The following DMTF1 variants were observed in gnomAD, a reference collection of about 807,000 sequenced individuals.
The protein encoded by DMTF1 is cyclin D binding myb like transcription factor 1.
Under a neutral mutation model 91.1 loss-of-function variants are expected in DMTF1, and 39 were observed. The ratio of observed to expected loss-of-function variants is 0.43; its 90% confidence interval spans 0.33 to 0.56. The LOEUF is 0.56. Ranked by LOEUF, DMTF1 falls within the 20% of genes least tolerant of loss-of-function variation. The probability of loss-of-function intolerance (pLI) is 0.05; values close to 1 mark genes in which losing one functional copy is unlikely to be tolerated. For missense variants in DMTF1, 750 were observed against 914.5 expected, an observed-to-expected ratio of 0.82 and a Z score of 2.32; for synonymous variants, 338 against 309.5, an observed-to-expected ratio of 1.09 and a Z score of -0.97.
At chr7:87,187,855 CTA>C (rs1798808283) in intron 12 of DMTF1, 1 of 519,208 alleles carries the variant, frequency 1.9e-6, no homozygotes, top group Non-Finnish European at 3.4e-6. Flanking sequence ...TTTTTTAACA[CTA>C]TAAATCTTAG....
At chr7:87,161,201 T>A (rs1792282310) in intron 1 of DMTF1, among the ~76,000 whole-genome samples, 1 of 152,000 alleles carries the variant, frequency 6.6e-6, no homozygotes, top group South Asian at 2.1e-4. Context: ...GTCAAGAACA[T>A]ATTTAGGATG....
intron 1 of DMTF1, among the ~76,000 whole-genome samples, chr7:87,160,656 A>G (rs894927733): frequency 2.0e-5 from 3 of 151,950 alleles, no homozygotes; most frequent in Non-Finnish European, 4.4e-5. Context: ...CACCAAAACT[A>G]CTTTTGTTAA....
At chr7:87,159,672 A>C (rs560589851) in intron 1 of DMTF1, among the ~76,000 whole-genome samples, 11 of 152,336 alleles carry the variant, frequency 7.2e-5, no homozygotes, top group African/African-American at 2.6e-4. Flanking sequence ...AACCCATTAC[A>C]AAGAAGGAAA....
chr7:87,182,017 GA>G, intron 9 of DMTF1: 1 of 1,525,526 alleles, frequency 6.6e-7, no homozygotes, highest in Non-Finnish European at 8.8e-7. Context: ...TCTGACCCAG[GA>G]AAAAGGCAAT....
intron 11 of DMTF1, among the ~76,000 whole-genome samples, chr7:87,185,418 C>T (rs1047887136): frequency 1.8e-4 from 28 of 151,548 alleles, no homozygotes; most frequent in African/African-American, 6.6e-4. Flanking sequence ...TTATAAATAG[C>T]TCATTTCTAA....
At position 87,166,676 on chromosome 7, in the gene DMTF1, T is replaced by C. The variant is rs189986510; in HGVS notation, c.232+71T>C. On this transcript the variant is annotated intron_variant, in intron 4 of 17. Coordinates refer to ENST00000331242, the MANE Select transcript of DMTF1 (RefSeq NM_001142327.2). Reference sequence around the variant, plus strand: ...AAAGTTTAGCTTCCAAGGCTTTCAGTTGGCATTTCTAATAGACTTGGACTT... The same window carrying C: ...AAAGTTTAGCTTCCAAGGCTTTCAGCTGGCATTTCTAATAGACTTGGACTT... 5.4e-6 allele frequency: 8 copies of C among 1,479,298 alleles called. No homozygotes were observed. In the East Asian group the frequency reaches 1.4e-4, roughly 25 times the overall value. The allele number at this position is 1,479,298 out of a possible 1,614,324, so 91.6% of individuals were successfully genotyped here. A position where few individuals can be genotyped will look rare whatever the true frequency, so the allele number is the denominator to read the frequency against.
Position 87,194,022 on chromosome 7 carries a change from A to C in DMTF1, c.1948A>C (p.Arg650=). 1 of 1,613,148 alleles carries C rather than the reference A, an allele frequency of 6.2e-7. No homozygotes were observed. Among genetic ancestry groups the C allele is most frequent in the African/African-American group, 1.3e-5 (1 of 74,982 alleles). The part of the protein sequence containing the change: ...STELMNSVMV[R]TEEEISDTDL... Reference sequence around the variant, plus strand: ...AGAACTGATGAATAGTGTTATGGTCAGAACAGAAGAAGAAATCTCTGACAC... The same window carrying C: ...AGAACTGATGAATAGTGTTATGGTCCGAACAGAAGAAGAAATCTCTGACAC... Residue 650 remains arginine (R), a synonymous_variant, in exon 16 of 18, where the codon AGA becomes CGA. Coordinates refer to ENST00000331242, the MANE Select transcript of DMTF1 (RefSeq NM_001142327.2).
At chr7:87,173,755 A>G in intron 6 of DMTF1, 106 bp downstream of exon 6, 1 of 518,402 alleles carries the variant, frequency 1.9e-6, no homozygotes, top group African/African-American at 2.0e-5. Flanking sequence ...GGGATTGAGC[A>G]GTTAGAGTAA....
chr7:87,152,880 G>C (rs965213179), intron 1 of DMTF1: 2 of 154,738 alleles, frequency 1.3e-5, no homozygotes, highest in African/African-American at 4.8e-5. Flanking sequence ...ATGGCGCCGG[G>C]ACCCCTGGGG....
chr7:87,183,140 A>G (rs1329542186), intron 10 of DMTF1, among the ~76,000 whole-genome samples: 2 of 152,182 alleles, frequency 1.3e-5, no homozygotes, highest in Admixed American at 1.3e-4. Context: ...ATACATTTTG[A>G]CCTTAACCCC....
intron 4 of DMTF1, among the ~76,000 whole-genome samples, chr7:87,168,018 T>G (rs1023867930): frequency 6.6e-6 from 1 of 152,238 alleles, no homozygotes; most frequent in Non-Finnish European, 1.5e-5. Context: ...TTCATGGCGC[T>G]GTTCACTTAG....
chr7:87,175,233 C>G (rs779396141), intron 7 of DMTF1, among the ~76,000 whole-genome samples: 2 of 151,930 alleles, frequency 1.3e-5, no homozygotes, highest in Non-Finnish European at 2.9e-5. Flanking sequence ...GTTGGCCAGG[C>G]TGGCCACAAA....
In DMTF1 at chr7:87,174,652, A is replaced by G; in HGVS notation, c.502A>G (p.Ile168Val). Residue 168 changes from isoleucine (I) to valine (V), a missense_variant, in exon 7 of 18, where the codon ATT becomes GTT. By Grantham distance (29) the Ile-to-Val change is conservative. Coordinates refer to ENST00000331242, the MANE Select transcript of DMTF1 (RefSeq NM_001142327.2). The stretch of plus-strand genomic sequence containing the variant: ...AGAAATTGATATTTTGATGAACAAT[A>G]TTGAACGCTATCTTAAGGTATCTTA... ...KEEIDILMNN[I>V]ERYLKARGIK... The G allele has an allele frequency of 6.2e-7, 1 of 1,608,918 alleles. No individual in the cohort carries two copies. Among genetic ancestry groups the G allele is most frequent in the Non-Finnish European group, 8.5e-7 (1 of 1,176,672 alleles).
intron 10 of DMTF1, among the ~76,000 whole-genome samples, chr7:87,183,930 G>A (rs1321488043): frequency 6.6e-6 from 1 of 152,178 alleles, no homozygotes; most frequent in Non-Finnish European, 1.5e-5. Context: ...AATAGGTTGA[G>A]CCCATTGGTG....
At chr7:87,191,052 G>T (rs1391041228) in intron 14 of DMTF1, 25 bp downstream of exon 14, 4 of 1,466,652 alleles carry the variant, frequency 2.7e-6, no homozygotes, top group Non-Finnish European at 2.8e-6. Flanking sequence ...ATATATATTG[G>T]CCATTTTTAT....
intron 12 of DMTF1, 151 bp downstream of exon 12, chr7:87,186,131 C>A: frequency 2.5e-6 from 2 of 793,912 alleles, no homozygotes; most frequent in Non-Finnish European, 4.0e-6. Flanking sequence ...TAATTGTTTC[C>A]TTCCCCAGAG....
rs188989295 is a variant in DMTF1, at chr7:87,154,887, C to T, written c.-132+2332C>T. On this transcript the variant is annotated intron_variant, in intron 1 of 17. Coordinates refer to ENST00000331242, the MANE Select transcript of DMTF1 (RefSeq NM_001142327.2). ...TCACTGGTTAGTATTTAAATAACAACAAAAAACTTGCCTTTACCTCCTCCG... is the reference window on the plus strand; with the variant it reads ...TCACTGGTTAGTATTTAAATAACAATAAAAAACTTGCCTTTACCTCCTCCG... Among the ~76,000 whole-genome samples the T allele has an allele frequency of 2.6e-5, 4 of 152,206 alleles. No individual in the cohort carries two copies. In the East Asian group the frequency reaches 7.7e-4, roughly 29 times the overall value.
chr7:87,185,337 GTGT>G (rs1798177652), intron 11 of DMTF1, among the ~76,000 whole-genome samples: 1 of 151,850 alleles, frequency 6.6e-6, no homozygotes, highest in South Asian at 2.1e-4. Context: ...TTGTACTGTT[GTGT>G]TGTTTTTTGA....
At chr7:87,185,714 C>T (rs746631439) in intron 11 of DMTF1, 115 bp from the exon 12 acceptor site, 14 of 1,157,410 alleles carry the variant, frequency 1.2e-5, no homozygotes, top group Non-Finnish European at 1.6e-5. Flanking sequence ...AATAGCATCT[C>T]ATTGGCATAA....
Sources: allele counts gnomAD v4.1 joint callset (sites outside exome capture counted in the v4.1 genomes callset), GRCh38; gene constraint gnomAD v4.1.1; transcripts MANE v1.5; gene names NCBI Gene and HGNC (gene_info 2026-07-23, HGNC 2026-07-21).